SPECC1: variants seen among roughly 807,000 people sequenced by gnomAD.
SPECC1 encodes the protein sperm antigen with calponin homology and coiled-coil domains 1.
In SPECC1, 62 loss-of-function variants were observed where a neutral mutation model predicts 104.1. That is an observed-to-expected ratio of 0.60 (90% CI 0.49 to 0.74). SPECC1 has a LOEUF of 0.74. SPECC1 is among the 30% of genes least tolerant of loss of function. The probability of loss-of-function intolerance (pLI) is 0.00; values close to 1 mark genes in which losing one functional copy is unlikely to be tolerated. For missense variants in SPECC1, 1,306 were observed against 1,310.5 expected (o/e 1.00, Z 0.05); for synonymous variants, 513 against 501.6 (o/e 1.02, Z -0.30).
At chr17:20,051,074 T>TTC (rs762236875) in intron 1 of SPECC1, among the ~76,000 whole-genome samples, 3 of 64,318 alleles carry the variant, frequency 4.7e-5, no homozygotes, top group African/African-American at 1.4e-4. Context: ...TTCTTTTTCT[T>TTC]TCTTTCTTTC....
At chr17:20,092,245 G>GT (rs1348450618) in intron 1 of SPECC1, among the ~76,000 whole-genome samples, 1 of 137,462 alleles carries the variant, frequency 7.3e-6, no homozygotes, top group Non-Finnish European at 1.7e-5. Flanking sequence ...AGATTTAACT[G>GT]TAATTCCTTG....
At position 20,086,293 on chromosome 17, in the gene SPECC1, C is replaced by G. The variant is rs138746927; in HGVS notation, c.-21-10338C>G. Among the ~76,000 whole-genome samples the G allele has an allele frequency of 5.3e-5, 8 of 152,284 alleles. No individual in the cohort carries two copies. The East Asian group carries it at 1.5e-3, about 29-fold the overall frequency. On this transcript the variant is annotated intron_variant, in intron 1 of 14. Coordinates refer to ENST00000395527, the MANE Select transcript of SPECC1 (RefSeq NM_001243439.2). ...CTCTTTCCATGTTGCCTTGATGGCC[C>G]TGTTCCCACCTCCTGTCTCTCCCCC...
At chr17:20,228,654 C>T (rs1313165939) in intron 5 of SPECC1, among the ~76,000 whole-genome samples, 1 of 152,170 alleles carries the variant, frequency 6.6e-6, no homozygotes, top group East Asian at 1.9e-4. Flanking sequence ...ACAATTCCCG[C>T]ATGTGTCCCA....
At chr17:20,013,395 A>G (rs1207786677) in intron 1 of SPECC1, among the ~76,000 whole-genome samples, 1 of 152,142 alleles carries the variant, frequency 6.6e-6, no homozygotes, top group Non-Finnish European at 1.5e-5. Flanking sequence ...GATAGTAGCT[A>G]TCCTTATGGG....
At chr17:20,044,574 G>A (rs758310852) in intron 1 of SPECC1, among the ~76,000 whole-genome samples, 15 of 152,206 alleles carry the variant, frequency 9.9e-5, no homozygotes, top group Non-Finnish European at 2.1e-4. Flanking sequence ...CCTTGGATAT[G>A]TAGCAATAAA....
intron 12 of SPECC1, among the ~76,000 whole-genome samples, chr17:20,290,606 C>G (rs1386526487): frequency 6.6e-6 from 1 of 152,158 alleles, no homozygotes; most frequent in Non-Finnish European, 1.5e-5. Context: ...CCTCTGCCTC[C>G]TGAGTTCAAG....
intron 3 of SPECC1, among the ~76,000 whole-genome samples, chr17:20,135,643 A>T (rs1336183894): frequency 2.6e-5 from 4 of 152,072 alleles, no homozygotes; most frequent in Non-Finnish European, 5.9e-5. Flanking sequence ...TTGTAGACAG[A>T]GTCTTACTAT....
intron 4 of SPECC1, among the ~76,000 whole-genome samples, chr17:20,207,085 C>G (rs1234363418): frequency 6.6e-6 from 1 of 152,142 alleles, no homozygotes; most frequent in African/African-American, 2.4e-5. Context: ...ATTTCTTGTT[C>G]CCTCCAAGTT....
chr17:20,049,792 T>A (rs575174553), intron 1 of SPECC1, among the ~76,000 whole-genome samples: 1 of 152,006 alleles, frequency 6.6e-6, no homozygotes, highest in Non-Finnish European at 1.5e-5. Flanking sequence ...TATACTATTT[T>A]CATTTTTTTC....
chr17:20,034,693 C>T (rs1389403927), intron 1 of SPECC1, among the ~76,000 whole-genome samples: 1 of 150,908 alleles, frequency 6.6e-6, no homozygotes, highest in South Asian at 2.1e-4. Context: ...GCAACCTCTG[C>T]CCCCCGGGTT....
chr17:20,215,543 A>T (rs917178708), intron 4 of SPECC1, among the ~76,000 whole-genome samples: 1 of 152,224 alleles, frequency 6.6e-6, no homozygotes, highest in Non-Finnish European at 1.5e-5. Flanking sequence ...CTCAGAACTT[A>T]TTATAGTGAT....
chr17:20,052,682 T>C (rs888141145), intron 1 of SPECC1, among the ~76,000 whole-genome samples: 1 of 152,174 alleles, frequency 6.6e-6, no homozygotes, highest in African/African-American at 2.4e-5. Flanking sequence ...CATCACTTCT[T>C]AGATACGTGG....
intron 13 of SPECC1, among the ~76,000 whole-genome samples, chr17:20,303,441 G>A (rs2041657476): frequency 6.6e-6 from 1 of 152,136 alleles, no homozygotes; most frequent in South Asian, 2.1e-4. Context: ...CCAAGGCATG[G>A]GCCACAGACT....
intron 3 of SPECC1, among the ~76,000 whole-genome samples, chr17:20,128,676 G>A (rs189667948): frequency 3.2e-4 from 48 of 152,040 alleles, no homozygotes; most frequent in African/African-American, 1.2e-3. Context: ...TCAGTAATGG[G>A]TGAATTTTGT....
intron 1 of SPECC1, chr17:20,017,175 C>T (rs1299662121): frequency 1.3e-5 from 2 of 152,336 alleles, no homozygotes; most frequent in African/African-American, 2.4e-5. Context: ...TTCCGCGCTG[C>T]TGAAGGTTTG....
At chr17:20,091,928 G>A (rs769929173) in intron 1 of SPECC1, among the ~76,000 whole-genome samples, 6 of 152,122 alleles carry the variant, frequency 3.9e-5, no homozygotes, top group Admixed American at 6.5e-5. Flanking sequence ...CCTCTCCAAC[G>A]CAGGCTCCGA....
In SPECC1 at chr17:20,241,409, G is replaced by A. The variant is rs370286148; in HGVS notation, c.2352-4517G>A. ...GTTCCTGATCCTTTGCCAAAACGCC[G>A]TGCATCTCTCTGGGCTTCTCATGCT... On this transcript the variant is annotated intron_variant, in intron 7 of 14. Transcript: ENST00000395527. Among the ~76,000 whole-genome samples the A allele has an allele frequency of 3.9e-5, 6 of 152,188 alleles. No individual in the cohort carries two copies. In the East Asian group the frequency reaches 5.8e-4, roughly 15 times the overall value.
At chr17:20,055,486 T>C (rs2045928176) in intron 1 of SPECC1, among the ~76,000 whole-genome samples, 1 of 152,210 alleles carries the variant, frequency 6.6e-6, no homozygotes, top group South Asian at 2.1e-4. Context: ...TTGCTGTCTT[T>C]TGATTTTTTG....
At chr17:20,071,384 T>TTGTG (rs55761614) in intron 1 of SPECC1, among the ~76,000 whole-genome samples, 155 of 151,352 alleles carry the variant, frequency 1.0e-3, no homozygotes, top group African/African-American at 2.7e-3. Flanking sequence ...TTGTGTGTGT[T>TTGTG]TGTGTGTGTG....
Sources: allele counts gnomAD v4.1 joint callset (sites outside exome capture counted in the v4.1 genomes callset), GRCh38; gene constraint gnomAD v4.1.1; transcripts MANE v1.5; gene names NCBI Gene and HGNC (gene_info 2026-07-23, HGNC 2026-07-21).